The following SLC22A23 variants were observed in gnomAD, a reference collection of about 807,000 sequenced individuals.
The protein encoded by SLC22A23 is ion transporter protein.
A neutral mutation model predicts 61.0 loss-of-function variants in SLC22A23; 26 were observed. The ratio of observed to expected loss-of-function variants is 0.43; its 90% CI spans 0.31 to 0.59. The LOEUF (loss-of-function observed/expected upper bound fraction) is 0.59. SLC22A23 is among the 20% of genes least tolerant of loss of function. The pLI, the probability that SLC22A23 is intolerant of heterozygous loss-of-function variation, is 0.11. For synonymous variants in SLC22A23, 430 were observed against 413.9 expected (o/e 1.04, Z -0.47); for missense variants, 796 against 934.7 (o/e 0.85, Z 1.94).
At position 3,283,884 on chromosome 6, in the gene SLC22A23, G is replaced by C. The variant is rs777608119; in HGVS notation, c.1671C>G (p.Phe557Leu). The change falls in exon 9 of 10, where the codon TTC (phenylalanine) becomes TTG (leucine). Residue 557 changes from phenylalanine to leucine, a missense_variant. Coordinates refer to ENST00000406686, the MANE Select transcript of SLC22A23 (RefSeq NM_015482.2). ...CCGTCGGGGTGATCTCCGCACAGAA[G>C]AACACGCTGAGGCTCCCCACCGCAT... The part of the protein sequence containing the change: ...ASHAVGSLSV[F>L]FCAEITPTVI... 9 of 1,613,400 alleles carry C rather than the reference G, an allele frequency of 5.6e-6. No individual in the cohort carries two copies. The South Asian group carries it at 9.9e-5, about 18-fold the overall frequency.
chr6:3,368,535 G>A (rs1581764337), intron 3 of SLC22A23, among the ~76,000 whole-genome samples: 3 of 152,300 alleles, frequency 2.0e-5, no homozygotes, highest in Middle Eastern at 6.8e-3. Context: ...AGGGGCTTTC[G>A]CTTCTGTCAA....
intron 3 of SLC22A23, among the ~76,000 whole-genome samples, chr6:3,338,573 G>A (rs185271241): frequency 2.5e-4 from 38 of 152,330 alleles, no homozygotes; most frequent in African/African-American, 9.1e-4. Context: ...GCCTCCCAAA[G>A]TGCTGGGATT....
At chr6:3,404,492 T>C (rs531402422) in intron 3 of SLC22A23, among the ~76,000 whole-genome samples, 1 of 152,288 alleles carries the variant, frequency 6.6e-6, no homozygotes, top group African/African-American at 2.4e-5. Flanking sequence ...TTGGCGAACA[T>C]ATAGGTAGAG....
chr6:3,405,346 T>G, intron 3 of SLC22A23, among the ~76,000 whole-genome samples: 1 of 151,946 alleles, frequency 6.6e-6, no homozygotes, highest in East Asian at 1.9e-4. Flanking sequence ...GTGAGTGGAG[T>G]TGGTCCCACC....
intron 4 of SLC22A23, among the ~76,000 whole-genome samples, chr6:3,321,943 T>A (rs372996800): frequency 1.4e-5 from 2 of 141,932 alleles, no homozygotes; most frequent in East Asian, 3.9e-4. Flanking sequence ...CATGACCAGC[T>A]TTTGGTGGCA....
chr6:3,434,343 C>T (rs1463226525), intron 1 of SLC22A23, among the ~76,000 whole-genome samples: 2 of 151,178 alleles, frequency 1.3e-5, no homozygotes, highest in Non-Finnish European at 2.9e-5. Flanking sequence ...GAGCTGGGTG[C>T]GGTGGCTTAT....
At chr6:3,276,736 G>C (rs2127290938) in intron 9 of SLC22A23, 1 of 152,368 alleles carries the variant, frequency 6.6e-6, no homozygotes, top group Middle Eastern at 3.4e-3. Context: ...TCTGGTACAG[G>C]GTCTTCGTTA....
At chr6:3,312,222 C>A (rs1033156963) in intron 4 of SLC22A23, 2 of 152,142 alleles carry the variant, frequency 1.3e-5, no homozygotes, top group Non-Finnish European at 2.9e-5. Context: ...TACTTGGAGT[C>A]CAGTTGCAGG....
At chr6:3,441,555 C>A (rs369173449) in intron 1 of SLC22A23, among the ~76,000 whole-genome samples, 1 of 152,150 alleles carries the variant, frequency 6.6e-6, no homozygotes, top group Non-Finnish European at 1.5e-5. Flanking sequence ...CAAACCCAAG[C>A]CCTCCTTGGG....
At chr6:3,382,601 G>A (rs765426842) in intron 3 of SLC22A23, among the ~76,000 whole-genome samples, 1 of 152,188 alleles carries the variant, frequency 6.6e-6, no homozygotes, top group Non-Finnish European at 1.5e-5. Context: ...ACAGAGGTTG[G>A]CAAACTATAG....
rs1328319790 is a variant in SLC22A23 at position 3,366,815 on chromosome 6, T to A, written c.914-42813A>T. 2.0e-5 allele frequency among the ~76,000 whole-genome samples: 3 copies of A among 152,266 alleles called. No homozygotes were observed. The East Asian group carries it at 5.8e-4, about 29-fold the overall frequency. ...CACCATGAACCTTGGACAGGCAGGA[T>A]CCTAGCAATGGTGGGTAAGACCTAG... is the stretch of plus-strand genomic sequence containing the variant. On this transcript the variant is annotated intron_variant, in intron 3 of 9. Coordinates refer to ENST00000406686, the MANE Select transcript of SLC22A23 (RefSeq NM_015482.2).
At chr6:3,426,974 C>T (rs1770536553) in intron 1 of SLC22A23, among the ~76,000 whole-genome samples, 2 of 152,212 alleles carry the variant, frequency 1.3e-5, no homozygotes, top group Non-Finnish European at 1.5e-5. Context: ...GCATGGTAAG[C>T]GAGAGCCTGG....
intron 7 of SLC22A23, among the ~76,000 whole-genome samples, 158 bp from the exon 8 acceptor site, chr6:3,285,269 G>T (rs1278966918): frequency 1.3e-5 from 2 of 152,250 alleles, no homozygotes; most frequent in African/African-American, 2.4e-5. Flanking sequence ...GGCCGCCGGG[G>T]CAGTGGAATT....
At position 3,404,833 on chromosome 6, in the gene SLC22A23, T is replaced by C. The variant is rs577548833; in HGVS notation, c.913+5355A>G. Among the ~76,000 whole-genome samples the C allele has an allele frequency of 3.9e-5, 6 of 152,218 alleles. No homozygotes were observed. The South Asian group carries it at 8.3e-4, about 21-fold the overall frequency. On this transcript the variant is annotated intron_variant, in intron 3 of 9. Transcript: ENST00000406686. ...AAATTTACTCCTTTGCTTTTCGCAG[T>C]TTGCCCGCAGGGTTAGTAATGTGTT...
intron 3 of SLC22A23, among the ~76,000 whole-genome samples, chr6:3,388,020 A>G (rs537347790): frequency 1.3e-5 from 2 of 152,302 alleles, no homozygotes; most frequent in East Asian, 3.9e-4. Flanking sequence ...CCTAAAATCA[A>G]ATTAAAACCG....
chr6:3,406,052 A>T (rs1425030020), intron 3 of SLC22A23, among the ~76,000 whole-genome samples: 1 of 152,024 alleles, frequency 6.6e-6, no homozygotes, highest in Non-Finnish European at 1.5e-5. Flanking sequence ...GGGGGAAAAA[A>T]CCCTTCATTT....
At chr6:3,310,301 T>C (rs1325266629) in intron 4 of SLC22A23, among the ~76,000 whole-genome samples, 7 of 134,558 alleles carry the variant, frequency 5.2e-5, no homozygotes, top group African/African-American at 6.1e-5. Flanking sequence ...GAGCACCCTG[T>C]CTCCCACTCA....
At chr6:3,375,614 T>C (rs1044607642) in intron 3 of SLC22A23, among the ~76,000 whole-genome samples, 1 of 152,238 alleles carries the variant, frequency 6.6e-6, no homozygotes, top group African/African-American at 2.4e-5. Context: ...GCTTTGTGTA[T>C]AGTCTCTCTC....
At chr6:3,367,250 G>A (rs541189320) in intron 3 of SLC22A23, among the ~76,000 whole-genome samples, 2 of 152,330 alleles carry the variant, frequency 1.3e-5, no homozygotes, top group South Asian at 4.1e-4. Context: ...TTCCAAAACA[G>A]TCCAGAAATC....
Sources: allele counts gnomAD v4.1 joint callset (sites outside exome capture counted in the v4.1 genomes callset), GRCh38; gene constraint gnomAD v4.1.1; transcripts MANE v1.5; gene names NCBI Gene and HGNC (gene_info 2026-07-23, HGNC 2026-07-21).